ZNF423: variants seen among roughly 807,000 people sequenced by gnomAD.
The protein encoded by ZNF423 is zinc finger protein 423, also known as Ebf-associated zinc finger protein.
A neutral mutation model predicts 95.8 loss-of-function variants in ZNF423; 12 were observed. The observed-to-expected ratio is 0.13, with a 90% confidence interval of 0.08 to 0.20. ZNF423 has a LOEUF of 0.20. Ranked by LOEUF, ZNF423 falls within the 10% of genes least tolerant of loss-of-function variation. The pLI is 1.00. For synonymous variants in ZNF423, 749 were observed against 711.9 expected, an observed-to-expected ratio of 1.05 and a Z score of -0.83; for missense variants, 1,316 against 1,737.1, an observed-to-expected ratio of 0.76 and a Z score of 4.31.
chr16:49,778,133 A>AT (rs2034150572), intron 2 of ZNF423, among the ~76,000 whole-genome samples: 1 of 152,196 alleles, frequency 6.6e-6, no homozygotes, highest in Non-Finnish European at 1.5e-5. Flanking sequence ...TAAAATAATA[A>AT]TTTTTTGAAC....
intron 5 of ZNF423, among the ~76,000 whole-genome samples, chr16:49,549,957 C>T (rs148583462): frequency 8.6e-4 from 131 of 152,208 alleles, no homozygotes; most frequent in Middle Eastern, 3.4e-3. Context: ...GCTGCAGCCT[C>T]GACCTCACAG....
rs1194511671 is a variant in ZNF423, at chr16:49,646,568, C to CTTTTTTTTTTTTTTTTTTTTTTT, written c.302-7695_302-7694insAAAAAAAAAAAAAAAAAAAAAAA. Among the ~76,000 whole-genome samples the CTTTTTTTTTTTTTTTTTTTTTTT allele has an allele frequency of 3.1e-4, 37 of 120,708 alleles. 1 individual carries two copies. Among genetic ancestry groups the CTTTTTTTTTTTTTTTTTTTTTTT allele is most frequent in the Non-Finnish European group, 6.5e-4 (36 of 55,142 alleles). The allele number at this position is 120,708 out of a possible 152,430, so 79.2% of individuals were successfully genotyped here. A position where few individuals can be genotyped will look rare whatever the true frequency, so the allele number is the denominator to read the frequency against. On this transcript the variant is annotated intron_variant, in intron 3 of 7. Coordinates refer to ENST00000563137, the MANE Select transcript of ZNF423 (RefSeq NM_001379286.1). ...TACTGTTTATGGCACATTTTCTTTT[C>CTTTTTTTTTTTTTTTTTTTTTTT]TTTTTCTTTTTTTTTTTTTTGAGAA...
chr16:49,615,807 C>G lies in ZNF423; in HGVS notation c.3601+10363G>C, dbSNP rs1279389457. Among the ~76,000 whole-genome samples the G allele has an allele frequency of 3.3e-5, 5 of 152,220 alleles. No individual in the cohort carries two copies. In the East Asian group the frequency reaches 5.8e-4, roughly 18 times the overall value. On this transcript the variant is annotated intron_variant, in intron 5 of 7. Transcript: ENST00000563137. ...TGGCTCCACCCAAATGGTCTCGCCT[C>G]CCTACAGGGAAAGGACGTGCTGAGC... is the stretch of plus-strand genomic sequence containing the variant.
At chr16:49,534,250 T>G (rs942516060) in intron 5 of ZNF423, among the ~76,000 whole-genome samples, 11 of 182 alleles carry the variant, frequency 0.06, no homozygotes, top group Non-Finnish European at 0.1. Flanking sequence ...TTTTTTTTGT[T>G]TTTTTTTTTT....
At chr16:49,775,807 T>G (rs1245064291) in intron 2 of ZNF423, among the ~76,000 whole-genome samples, 3 of 152,120 alleles carry the variant, frequency 2.0e-5, no homozygotes, top group Non-Finnish European at 2.9e-5. Flanking sequence ...TAACTGGTGG[T>G]GAATCAGGAT....
rs1364143672 is a variant in ZNF423, at chr16:49,490,990, T to TA, written c.*284dup. ...ATGAAGGAACAAAGGACAATAGCCT[T>TA]AAAAAGCAGGTTTCTCTAACTCTAG... is the stretch of plus-strand genomic sequence containing the variant. On this transcript the variant is annotated 3_prime_UTR_variant, in exon 8 of 8. Coordinates refer to ENST00000563137, the MANE Select transcript of ZNF423 (RefSeq NM_001379286.1). The TA allele has an allele frequency of 4.7e-5, 21 of 451,254 alleles. No individual in the cohort carries two copies. In the East Asian group the frequency reaches 6.7e-4, roughly 14 times the overall value. The allele number at this position is 451,254 out of a possible 1,614,324, so 28.0% of individuals were successfully genotyped here.
intron 5 of ZNF423, among the ~76,000 whole-genome samples, chr16:49,606,560 C>T (rs531609015): frequency 6.6e-6 from 1 of 152,288 alleles, no homozygotes; most frequent in Non-Finnish European, 1.5e-5. Flanking sequence ...GCTGGGGATG[C>T]CCAGGGGGCT....
chr16:49,523,734 C>A lies in ZNF423; in HGVS notation c.3739G>T (p.Val1247Phe), dbSNP rs911470655. 6.2e-7 allele frequency: 1 copy of A among 1,613,132 alleles called. No homozygotes were observed. The highest frequency in any genetic ancestry group is 8.5e-7 in the Non-Finnish European group (1 of 1,179,986). The change falls in exon 7 of 8, where the codon GTC becomes TTC. Residue 1247 changes from valine to phenylalanine, a missense_variant. By Grantham distance (50) the Val-to-Phe change is conservative. Coordinates refer to ENST00000563137, the MANE Select transcript of ZNF423 (RefSeq NM_001379286.1). Reference sequence around the variant, plus strand: ...TGCTGCTGCAACTTGTTGGCCTGGACGAAGACTAGACACAGACACGGCTGT... The same window carrying A: ...TGCTGCTGCAACTTGTTGGCCTGGAAGAAGACTAGACACAGACACGGCTGT... ...FKCPVCFTVF[V>F]QANKLQQHIF... is the part of the protein sequence containing the mutation.
At chr16:49,572,994 G>A (rs1055174367) in intron 5 of ZNF423, among the ~76,000 whole-genome samples, 25 of 152,306 alleles carry the variant, frequency 1.6e-4, no homozygotes, top group Non-Finnish European at 2.9e-4. Context: ...AAGGGAGAGC[G>A]GGAAGGTTTG....
chr16:49,735,497 CTTGACT>C (rs1489257019), intron 2 of ZNF423, among the ~76,000 whole-genome samples: 5 of 152,160 alleles, frequency 3.3e-5, no homozygotes, highest in African/African-American at 1.2e-4. Flanking sequence ...GCAGGGAGAC[CTTGACT>C]CCCTCATCAT....
chr16:49,802,466 C>T (rs1398097730), intron 1 of ZNF423, among the ~76,000 whole-genome samples: 5 of 152,178 alleles, frequency 3.3e-5, no homozygotes, highest in Non-Finnish European at 7.3e-5. Flanking sequence ...GTAGGGTTTG[C>T]CACTTTCTGC....
chr16:49,799,191 T>C (rs1235716861), intron 1 of ZNF423, among the ~76,000 whole-genome samples: 2 of 152,068 alleles, frequency 1.3e-5, no homozygotes, highest in Admixed American at 6.6e-5. Context: ...ATAATCAGAA[T>C]ACCAACCTCG....
At chr16:49,716,320 C>A (rs1312885988) in intron 3 of ZNF423, among the ~76,000 whole-genome samples, 1 of 152,062 alleles carries the variant, frequency 6.6e-6, no homozygotes, top group African/African-American at 2.4e-5. Context: ...TGAGGCAGCA[C>A]CAACCTGCTC....
rs1241273882 is a variant in ZNF423 at position 49,729,380 on chromosome 16, A to G, written c.301+1391T>C. 2.0e-5 allele frequency among the ~76,000 whole-genome samples: 3 copies of G among 152,184 alleles called. No individual in the cohort carries two copies. The East Asian group carries it at 5.8e-4, about 29-fold the overall frequency. On this transcript the variant is annotated intron_variant, in intron 3 of 7. Coordinates refer to ENST00000563137, the MANE Select transcript of ZNF423 (RefSeq NM_001379286.1). ...GATGAGGGTCAATAGCTCAGTGTCC[A>G]GAGGAGGTCCTAGCTTGGCCACCAA...
rs142854276 is a variant in ZNF423, at chr16:49,675,916, C to G, written c.302-37042G>C. Among the ~76,000 whole-genome samples the G allele has an allele frequency of 5.9e-3, 906 of 152,362 alleles. 11 individuals carry two copies. Among genetic ancestry groups the G allele is most frequent in the African/African-American group, 0.02 (836 of 41,588 alleles). On this transcript the variant is annotated intron_variant, in intron 3 of 7. Coordinates refer to ENST00000563137, the MANE Select transcript of ZNF423 (RefSeq NM_001379286.1). ...TGAACACGTCCATGAGTGCTCCACA[C>G]ACAACACTGTGCAGAGGTGTGCAAC...
At chr16:49,583,709 T>C (rs1393173577) in intron 5 of ZNF423, among the ~76,000 whole-genome samples, 1 of 152,204 alleles carries the variant, frequency 6.6e-6, no homozygotes, top group Admixed American at 6.5e-5. Flanking sequence ...TATCCAATAA[T>C]GGCAAGTGCC....
chr16:49,512,273 G>A (rs752790169), intron 7 of ZNF423, among the ~76,000 whole-genome samples: 8 of 152,122 alleles, frequency 5.3e-5, no homozygotes, highest in African/African-American at 9.7e-5. Context: ...GTCAATGAAC[G>A]CATTAACAGA....
At chr16:49,532,341 G>GCTCA (rs1968878356) in intron 5 of ZNF423, among the ~76,000 whole-genome samples, 1 of 152,070 alleles carries the variant, frequency 6.6e-6, no homozygotes, top group Non-Finnish European at 1.5e-5. Context: ...ACTCAAGACC[G>GCTCA]CTCAGCCATG....
intron 3 of ZNF423, among the ~76,000 whole-genome samples, chr16:49,707,125 C>T (rs540733345): frequency 2.3e-3 from 350 of 152,232 alleles, no homozygotes; most frequent in African/African-American, 8.2e-3. Context: ...ATGCCATGCC[C>T]TCACCTCACC....
Sources: gnomAD v4.1 joint callset for allele counts (sites outside exome capture counted in the v4.1 genomes callset) on GRCh38, gnomAD v4.1.1 for gene constraint, MANE v1.5 for transcripts, NCBI Gene and HGNC (gene_info 2026-07-23, HGNC 2026-07-21) for gene names.